GATAD2A: variants seen among roughly 807,000 people sequenced by gnomAD.
GATAD2A encodes the protein GATA zinc finger domain containing 2A.
A neutral mutation model predicts 68.5 loss-of-function variants in GATAD2A; 12 were observed. The ratio of observed to expected loss-of-function variants is 0.18; its 90% CI spans 0.11 to 0.28. The LOEUF (loss-of-function observed/expected upper bound fraction) is 0.28, where lower values mean the gene tolerates loss of function less well. GATAD2A is among the 10% of genes least tolerant of loss of function. GATAD2A has a pLI of 1.00. For missense variants in GATAD2A, 755 were observed against 868.5 expected (o/e 0.87, Z 1.64); for synonymous variants, 410 against 375.3 (o/e 1.09, Z -1.07).
At position 19,506,188 on chromosome 19, in the gene GATAD2A, C is replaced by G; in HGVS notation, c.*714C>G. On this transcript the variant is annotated 3_prime_UTR_variant, in exon 12 of 12. Coordinates refer to ENST00000683918, the MANE Select transcript of GATAD2A (RefSeq NM_001384528.1). ...CGAGGCAGCCCTCGCTCCAGCTGAACGCCTCCATTGCTGCTTGTTCTGGAG... is the reference window on the plus strand; with the variant it reads ...CGAGGCAGCCCTCGCTCCAGCTGAAGGCCTCCATTGCTGCTTGTTCTGGAG... The G allele has an allele frequency of 2.5e-6, 1 of 398,764 alleles. No homozygotes were observed. The highest frequency in any genetic ancestry group is 4.4e-6 in the Non-Finnish European group (1 of 225,974). The allele number at this position is 398,764 out of a possible 1,614,324, so 24.7% of individuals were successfully genotyped here. A position where few individuals can be genotyped will look rare whatever the true frequency, so the allele number is the denominator to read the frequency against.
chr19:19,480,311 C>T (rs949985329), intron 2 of GATAD2A, among the ~76,000 whole-genome samples: 1 of 152,204 alleles, frequency 6.6e-6, no homozygotes, highest in African/African-American at 2.4e-5. Flanking sequence ...ATACACATAT[C>T]ATCATTTAGT....
Position 19,505,495 on chromosome 19 carries a change from A to G in GATAD2A, c.*21A>G, listed in dbSNP as rs375882343. 2.6e-6 allele frequency: 4 copies of G among 1,554,510 alleles called. No individual in the cohort carries two copies. The African/African-American group carries it at 5.6e-5, about 22-fold the overall frequency. On this transcript the variant is annotated 3_prime_UTR_variant, in exon 12 of 12. Coordinates refer to ENST00000683918, the MANE Select transcript of GATAD2A (RefSeq NM_001384528.1). ...AATAGTGCGAGCCAGGCCCCGTGGA[A>G]GACGGGCTCCCTCCTCCCCCACCTG...
chr19:19,436,153 GTAGCCTTT>G, intron 1 of GATAD2A: 1 of 1,366,240 alleles, frequency 7.3e-7, no homozygotes, highest in African/African-American at 1.5e-5. Context: ...ATTGTCTCAA[GTAGCCTTT>G]TGATGTCACT....
At chr19:19,471,795 T>A (rs2058332487) in intron 2 of GATAD2A, among the ~76,000 whole-genome samples, 3 of 152,200 alleles carry the variant, frequency 2.0e-5, no homozygotes, top group Admixed American at 2.0e-4. Flanking sequence ...TGTGAGTCTG[T>A]TGGTTTTGTG....
chr19:19,422,595 G>C (rs1026393988), intron 1 of GATAD2A, among the ~76,000 whole-genome samples: 2 of 152,198 alleles, frequency 1.3e-5, no homozygotes, highest in Non-Finnish European at 2.9e-5. Flanking sequence ...GAAACACTCT[G>C]AGGAGCCCTT....
At chr19:19,408,433 G>C (rs1347789573) in intron 1 of GATAD2A, among the ~76,000 whole-genome samples, 1 of 152,188 alleles carries the variant, frequency 6.6e-6, no homozygotes, top group Non-Finnish European at 1.5e-5. Context: ...AAAAATCCTG[G>C]AAGGATTTGT....
chr19:19,494,449 T>TCGGGCTCCC, intron 5 of GATAD2A, 66 bp downstream of exon 5: 1 of 1,030,684 alleles, frequency 9.7e-7, no homozygotes, highest in Non-Finnish European at 1.5e-6. Context: ...CACAGGCTCC[T>TCGGGCTCCC]CGGGCTCCCA....
At chr19:19,476,598 C>T (rs1568320597) in intron 2 of GATAD2A, among the ~76,000 whole-genome samples, 3 of 152,226 alleles carry the variant, frequency 2.0e-5, no homozygotes, top group South Asian at 2.1e-4. Context: ...GGCTACGGGG[C>T]GGCTTCTGAG....
At chr19:19,425,551 T>G (rs2052975025) in intron 1 of GATAD2A, among the ~76,000 whole-genome samples, 1 of 152,222 alleles carries the variant, frequency 6.6e-6, no homozygotes, top group Non-Finnish European at 1.5e-5. Flanking sequence ...ATAATTAGCA[T>G]GCTTTGCACA....
At chr19:19,468,916 C>A (rs185254965) in intron 2 of GATAD2A, among the ~76,000 whole-genome samples, 1 of 152,266 alleles carries the variant, frequency 6.6e-6, no homozygotes, top group Admixed American at 6.5e-5. Flanking sequence ...GTCTGGAAGC[C>A]AACCAAAGGC....
upstream of GATAD2A, chr19:19,402,490 C>T: frequency 6.6e-6 from 1 of 150,410 alleles, no homozygotes; most frequent in Non-Finnish European, 1.5e-5. Context: ...AGATTGAGAC[C>T]ATCCTGGCCA....
exon 1 of GATAD2A, chr19:19,385,922 G>GGCGCGC (rs1007886511): frequency 3.4e-5 from 5 of 148,772 alleles, no homozygotes; most frequent in Non-Finnish European, 1.5e-5. Context: ...TCAGCGCCCC[G>GGCGCGC]GCGCGCGCAC....
chr19:19,406,130 T>G (rs1453741467), intron 1 of GATAD2A, 111 bp downstream of exon 1: 2 of 151,782 alleles, frequency 1.3e-5, no homozygotes. Flanking sequence ...GAAGGACCCC[T>G]GCATGAGCGT....
At chr19:19,388,967 G>GAAGGGAGGC (rs1022624751) in intron 1 of GATAD2A, among the ~76,000 whole-genome samples, 6 of 152,158 alleles carry the variant, frequency 3.9e-5, no homozygotes, top group Admixed American at 3.9e-4. Context: ...AGAAACAGGG[G>GAAGGGAGGC]AAGGGAGGCA....
Position 19,414,819 on chromosome 19 carries a change from G to A in GATAD2A, c.-7+8800G>A, listed in dbSNP as rs185741392. ...CAAAGTGCTAGGATTACAGGTGTGA[G>A]CCACCACACCCTGCCCCCTTTTTTT... On this transcript the variant is annotated intron_variant, in intron 1 of 11. Coordinates refer to ENST00000683918, the MANE Select transcript of GATAD2A (RefSeq NM_001384528.1). Among the ~76,000 whole-genome samples, 3 of 146,200 alleles carry A rather than the reference G, an allele frequency of 2.1e-5. No homozygotes were observed. The East Asian group carries it at 5.9e-4, about 29-fold the overall frequency.
At chr19:19,430,720 A>G (rs1035227383) in intron 1 of GATAD2A, among the ~76,000 whole-genome samples, 8 of 152,264 alleles carry the variant, frequency 5.3e-5, no homozygotes, top group South Asian at 2.1e-4. Context: ...TGTACCAGCC[A>G]TGGGTGCCGC....
Position 19,507,251 on chromosome 19 carries a change from C to CAAAAAAA in GATAD2A, c.*1788_*1794dup, listed in dbSNP as rs35542121. 2.7e-5 allele frequency: 3 copies of CAAAAAAA among 112,312 alleles called. No homozygotes were observed. Among genetic ancestry groups the CAAAAAAA allele is most frequent in the African/African-American group, 1.0e-4 (3 of 29,050 alleles). 7.0% of individuals were successfully genotyped at this position (112,312 alleles called of 1,614,324 possible). A position where few individuals can be genotyped will look rare whatever the true frequency, so the allele number is the denominator to read the frequency against. On this transcript the variant is annotated 3_prime_UTR_variant, in exon 12 of 12. Transcript: ENST00000683918. ...GGAGGGGAGGGTGTGTTTTTTACACCAAAAAAAAAAAAAAAAATCAAGAGT... is the reference window on the plus strand; with the variant it reads ...GGAGGGGAGGGTGTGTTTTTTACACCAAAAAAAAAAAAAAAAAAAAAAAATCAAGAGT...
At chr19:19,400,139 CATGGCAG>C (rs1282918197) in intron 1 of GATAD2A, among the ~76,000 whole-genome samples, 1 of 152,050 alleles carries the variant, frequency 6.6e-6, no homozygotes, top group African/African-American at 2.4e-5. Context: ...ACTAGTGACA[CATGGCAG>C]ATGAAGACAG....
In GATAD2A at chr19:19,472,685, G is replaced by A. The variant is rs545684558; in HGVS notation, c.269+7071G>A. 5.9e-5 allele frequency: 9 copies of A among 151,810 alleles called. 1 individual carries two copies. The highest frequency in any genetic ancestry group is 4.6e-4 in the Admixed American group (7 of 15,252). The allele number at this position is 151,810 out of a possible 1,614,324, so 9.4% of individuals were successfully genotyped here. A position where few individuals can be genotyped will look rare whatever the true frequency, so the allele number is the denominator to read the frequency against. On this transcript the variant is annotated intron_variant, in intron 2 of 11. Transcript: ENST00000683918. ...AGAGCACGTTGCTCAGTAAAAATGC[G>A]GCTCTTCTCCAGGGGTCCTGCAACT...
Sources: gnomAD v4.1 joint callset for allele counts (sites outside exome capture counted in the v4.1 genomes callset) on GRCh38, gnomAD v4.1.1 for gene constraint, MANE v1.5 for transcripts, NCBI Gene and HGNC (gene_info 2026-07-23, HGNC 2026-07-21) for gene names.